SNX9: variants seen among roughly 807,000 people sequenced by gnomAD.
SNX9 encodes the protein sorting nexin-9.
A neutral mutation model predicts 89.4 loss-of-function variants in SNX9; 44 were observed. That is an observed-to-expected ratio of 0.49 (90% CI 0.39 to 0.63). The LOEUF (loss-of-function observed/expected upper bound fraction) is 0.63. Among genes scored for constraint, SNX9 ranks in the 30% least tolerant of loss-of-function variants. SNX9 has a pLI of 0.00. For synonymous variants in SNX9, 236 were observed against 247.8 expected (o/e 0.95, Z 0.45); for missense variants, 578 against 736.1 (o/e 0.79, Z 2.49).
rs1435697059 is a variant in SNX9 at position 157,831,363 on chromosome 6, T to C, written c.12+7917T>C. Among the ~76,000 whole-genome samples the C allele has an allele frequency of 2.6e-5, 4 of 152,236 alleles. No individual in the cohort carries two copies. The East Asian group carries it at 7.7e-4, about 29-fold the overall frequency. ...GGACATTACATCCTTGGAGTCACTA[T>C]ATCTTTAATTCCTGGCTTAATGTTT... On this transcript the variant is annotated intron_variant, in intron 1 of 17. Coordinates refer to ENST00000392185, the MANE Select transcript of SNX9 (RefSeq NM_016224.5).
At chr6:157,838,142 A>G (rs1377913497) in intron 1 of SNX9, among the ~76,000 whole-genome samples, 1 of 151,842 alleles carries the variant, frequency 6.6e-6, no homozygotes, top group East Asian at 1.9e-4. Flanking sequence ...CCTCCCAAGT[A>G]GCTGGGACTA....
chr6:157,840,657 A>G (rs1781687364), intron 1 of SNX9, among the ~76,000 whole-genome samples: 1 of 152,156 alleles, frequency 6.6e-6, no homozygotes, highest in South Asian at 2.1e-4. Flanking sequence ...CACACTAGGA[A>G]AATCCTGTGC....
chr6:157,929,623 A>G (rs1245474525), intron 12 of SNX9, among the ~76,000 whole-genome samples: 1 of 152,208 alleles, frequency 6.6e-6, no homozygotes, highest in East Asian at 1.9e-4. Flanking sequence ...AAAATGTTTT[A>G]TATTTTGAAT....
At chr6:157,933,621 G>C (rs902449795) in intron 13 of SNX9, among the ~76,000 whole-genome samples, 1 of 152,178 alleles carries the variant, frequency 6.6e-6, no homozygotes, top group Non-Finnish European at 1.5e-5. Context: ...TCTTGGCCCA[G>C]GTAACAAGTG....
At chr6:157,905,845 T>A (rs1230081087) in intron 6 of SNX9, among the ~76,000 whole-genome samples, 2 of 152,202 alleles carry the variant, frequency 1.3e-5, no homozygotes, top group African/African-American at 2.4e-5. Flanking sequence ...TGCCCTTCAC[T>A]CTGGGGTGAC....
Position 157,945,020 on chromosome 6 carries a change from G to A in SNX9, c.*2182G>A, listed in dbSNP as rs981737038. On this transcript the variant is annotated 3_prime_UTR_variant, in exon 18 of 18. Coordinates refer to ENST00000392185, the MANE Select transcript of SNX9 (RefSeq NM_016224.5). ...GATTTTTAATGATTTGTATCAACCT[G>A]TAGGTACCACAGAAGAGCTGTAGTC... 5.3e-5 allele frequency: 8 copies of A among 152,314 alleles called. No homozygotes were observed. The highest frequency in any genetic ancestry group is 2.0e-4 in the Admixed American group (3 of 15,302). The allele number at this position is 152,314 out of a possible 1,614,324, so 9.4% of individuals were successfully genotyped here.
At chr6:157,859,701 G>C (rs1234341949) in intron 1 of SNX9, among the ~76,000 whole-genome samples, 2 of 152,182 alleles carry the variant, frequency 1.3e-5, no homozygotes, top group African/African-American at 4.8e-5. Flanking sequence ...GTGTGAGATT[G>C]AGCGTTTTGT....
intron 2 of SNX9, among the ~76,000 whole-genome samples, chr6:157,870,755 ACACT>A (rs768603512): frequency 2.0e-5 from 3 of 148,214 alleles, no homozygotes; most frequent in Admixed American, 6.7e-5. Flanking sequence ...CACCCCTCAG[ACACT>A]CACCTGCTCT....
Position 157,921,518 on chromosome 6 carries a change from G to A in SNX9, c.950-13G>A. On this transcript the variant is annotated splice_polypyrimidine_tract_variant and intron_variant, in intron 9 of 17. Transcript: ENST00000392185. ...GACAAAGTTGTATGTCATTCTTGGT[G>A]TGTCGCTTGCAGGCCGCTTTGAAGA... The A allele has an allele frequency of 2.5e-6, 4 of 1,611,152 alleles. No individual in the cohort carries two copies. Among genetic ancestry groups the A allele is most frequent in the Middle Eastern group, 1.7e-4 (1 of 6,040 alleles).
At position 157,935,951 on chromosome 6, in the gene SNX9, T is replaced by G; in HGVS notation, c.1367-13T>G. The G allele has an allele frequency of 6.3e-7, 1 of 1,594,626 alleles. No homozygotes were observed. The highest frequency in any genetic ancestry group is 8.5e-7 in the Non-Finnish European group (1 of 1,170,094). Reference sequence around the variant, plus strand: ...CATAACTTATAACCACTGATAAAATTGATCATTTTCAGGTGAAACAGATCT... The same window carrying G: ...CATAACTTATAACCACTGATAAAATGGATCATTTTCAGGTGAAACAGATCT... On this transcript the variant is annotated splice_polypyrimidine_tract_variant and intron_variant, in intron 13 of 17. Transcript: ENST00000392185.
At chr6:157,895,521 A>T (rs992233618) in intron 4 of SNX9, among the ~76,000 whole-genome samples, 17 of 152,232 alleles carry the variant, frequency 1.1e-4, no homozygotes, top group African/African-American at 4.1e-4. Flanking sequence ...TATACTGGTC[A>T]AGTTGTAGGA....
In SNX9 at chr6:157,889,657, G is replaced by A. The variant is rs535922636; in HGVS notation, c.301-7170G>A. On this transcript the variant is annotated intron_variant, in intron 4 of 17. Coordinates refer to ENST00000392185, the MANE Select transcript of SNX9 (RefSeq NM_016224.5). The stretch of plus-strand genomic sequence containing the variant: ...TTTATGTATCTGAAGGTAACAGAAC[G>A]TTGGCTGGAATAGAAAATATCTTAA... 5.3e-5 allele frequency among the ~76,000 whole-genome samples: 8 copies of A among 152,250 alleles called. No homozygotes were observed. The South Asian group carries it at 6.2e-4, about 12-fold the overall frequency.
At chr6:157,873,652 A>C (rs896312619) in intron 3 of SNX9, among the ~76,000 whole-genome samples, 1 of 149,544 alleles carries the variant, frequency 6.7e-6, no homozygotes, top group African/African-American at 2.4e-5. Context: ...ATATATTTAT[A>C]ATATGACACA....
At chr6:157,826,549 G>A (rs929912754) in intron 1 of SNX9, among the ~76,000 whole-genome samples, 1 of 149,128 alleles carries the variant, frequency 6.7e-6, no homozygotes, top group African/African-American at 2.5e-5. Flanking sequence ...CACATTTTAA[G>A]GGGATTATCT....
At chr6:157,835,834 G>A (rs1194320277) in intron 1 of SNX9, among the ~76,000 whole-genome samples, 1 of 152,094 alleles carries the variant, frequency 6.6e-6, no homozygotes, top group Non-Finnish European at 1.5e-5. Context: ...CCTCTTTCCT[G>A]TATAAATTAC....
chr6:157,865,670 C>T (rs1583206443), intron 1 of SNX9, among the ~76,000 whole-genome samples: 1 of 152,202 alleles, frequency 6.6e-6, no homozygotes, highest in East Asian at 1.9e-4. Flanking sequence ...CCTGCTTTGT[C>T]ACATATTCGT....
intron 6 of SNX9, among the ~76,000 whole-genome samples, chr6:157,903,651 G>A (rs1002915185): frequency 2.0e-5 from 3 of 152,172 alleles, no homozygotes; most frequent in South Asian, 2.1e-4. Flanking sequence ...AAAATGAGTG[G>A]CCACGTTTTC....
intron 13 of SNX9, among the ~76,000 whole-genome samples, chr6:157,935,186 G>A (rs117845067): frequency 7.9e-5 from 12 of 152,178 alleles, no homozygotes; most frequent in South Asian, 4.1e-4. Flanking sequence ...CTGGGTAACC[G>A]GAATATTGAT....
intron 16 of SNX9, among the ~76,000 whole-genome samples, chr6:157,939,190 A>C (rs920679467): frequency 2.7e-4 from 41 of 152,050 alleles, no homozygotes; most frequent in African/African-American, 9.9e-4. Context: ...TTTTGAGCAG[A>C]TGAGGGCAGC....
Sources: allele counts gnomAD v4.1 joint callset (sites outside exome capture counted in the v4.1 genomes callset), GRCh38; gene constraint gnomAD v4.1.1; transcripts MANE v1.5; gene names NCBI Gene and HGNC (gene_info 2026-07-23, HGNC 2026-07-21).